Variants in MIPOL1 observed in about 807,000 individuals in gnomAD.
MIPOL1 encodes mirror-image polydactyly gene 1 protein.
A neutral mutation model predicts 60.9 loss-of-function variants in MIPOL1; 57 were observed. The observed-to-expected ratio is 0.94, with a 90% CI of 0.76 to 1.17. The LOEUF (loss-of-function observed/expected upper bound fraction) is 1.17, where lower values mean the gene tolerates loss of function less well. Among genes scored for constraint, MIPOL1 ranks in the 50% most tolerant of loss-of-function variants. The probability of loss-of-function intolerance (pLI) is 0.00; values close to 1 mark genes in which losing one functional copy is unlikely to be tolerated. For synonymous variants in MIPOL1, 179 were observed against 168.8 expected (o/e 1.06, Z -0.47); for missense variants, 551 against 511.6 (o/e 1.08, Z -0.74).
At chr14:37,471,703 G>A (rs1199184427) in intron 11 of MIPOL1, among the ~76,000 whole-genome samples, 2 of 151,934 alleles carry the variant, frequency 1.3e-5, no homozygotes, top group African/African-American at 4.8e-5. Flanking sequence ...TCTGAACACT[G>A]CCTAACTGGG....
intron 10 of MIPOL1, among the ~76,000 whole-genome samples, chr14:37,376,600 T>C (rs2153504755): frequency 6.6e-6 from 1 of 152,122 alleles, no homozygotes; most frequent in South Asian, 2.1e-4. Context: ...GGCTAAGAGG[T>C]TTGCTGGTGC....
At chr14:37,277,029 GT>G (rs1182005567) in intron 6 of MIPOL1, 1 of 150,990 alleles carries the variant, frequency 6.6e-6, no homozygotes, top group Non-Finnish European at 1.5e-5. Flanking sequence ...GAAAAGTTTG[GT>G]TTTTTTCTGG....
At chr14:37,390,382 A>G (rs753142943) in intron 10 of MIPOL1, among the ~76,000 whole-genome samples, 1 of 152,156 alleles carries the variant, frequency 6.6e-6, no homozygotes, top group Non-Finnish European at 1.5e-5. Context: ...ATTATATACA[A>G]TTGAAGACAT....
intron 7 of MIPOL1, among the ~76,000 whole-genome samples, chr14:37,294,047 G>T (rs1004799819): frequency 6.6e-6 from 1 of 152,166 alleles, no homozygotes; most frequent in African/African-American, 2.4e-5. Flanking sequence ...AGCCTAACTG[G>T]GAGGCATCCC....
chr14:37,388,981 T>G (rs10141341), intron 10 of MIPOL1, among the ~76,000 whole-genome samples: 149,915 of 152,144 alleles, frequency 0.99, 73,878 homozygotes, highest in Middle Eastern at 1. Context: ...AAAAAAAGTT[T>G]TTTATCAAAA....
intron 1 of MIPOL1, among the ~76,000 whole-genome samples, chr14:37,228,171 C>A (rs184876190): frequency 3.3e-5 from 5 of 152,092 alleles, no homozygotes; most frequent in Middle Eastern, 3.2e-3. Flanking sequence ...GACTTAAGAA[C>A]CATACACATT....
chr14:37,519,656 C>CA (rs2095397755), intron 12 of MIPOL1, among the ~76,000 whole-genome samples: 1 of 151,884 alleles, frequency 6.6e-6, no homozygotes, highest in African/African-American at 2.4e-5. Flanking sequence ...ATGAAAAAGA[C>CA]ACTGTTACAG....
At chr14:37,474,161 C>T (rs1025128747) in intron 11 of MIPOL1, among the ~76,000 whole-genome samples, 5 of 152,070 alleles carry the variant, frequency 3.3e-5, no homozygotes, top group Admixed American at 6.6e-5. Flanking sequence ...TTTATATATT[C>T]ACCTATTGAA....
intron 10 of MIPOL1, among the ~76,000 whole-genome samples, chr14:37,421,831 T>C: frequency 1.4e-5 from 2 of 146,494 alleles, no homozygotes; most frequent in African/African-American, 2.8e-5. Flanking sequence ...ATTTTTCTTA[T>C]GACTTCTTAT....
At chr14:37,380,832 T>C (rs1253897260) in intron 10 of MIPOL1, among the ~76,000 whole-genome samples, 2 of 152,070 alleles carry the variant, frequency 1.3e-5, no homozygotes, top group Admixed American at 6.6e-5. Flanking sequence ...TTTTAAAAAA[T>C]GAATACTTGA....
At chr14:37,436,410 C>T (rs1379902125) in intron 11 of MIPOL1, among the ~76,000 whole-genome samples, 2 of 151,932 alleles carry the variant, frequency 1.3e-5, no homozygotes, top group East Asian at 3.8e-4. Context: ...TTTTTCTTTC[C>T]ATGACACATG....
At chr14:37,330,714 T>TTTA (rs2089604004) in intron 9 of MIPOL1, among the ~76,000 whole-genome samples, 1 of 151,240 alleles carries the variant, frequency 6.6e-6, no homozygotes, top group Non-Finnish European at 1.5e-5. Context: ...CTCTTCATTT[T>TTTA]TTTTTTTTTT....
intron 11 of MIPOL1, among the ~76,000 whole-genome samples, chr14:37,437,822 AG>A (rs757965451): frequency 1.3e-5 from 2 of 152,216 alleles, no homozygotes; most frequent in Non-Finnish European, 2.9e-5. Flanking sequence ...GGGTACACTT[AG>A]GAATGTAATG....
intron 11 of MIPOL1, among the ~76,000 whole-genome samples, chr14:37,452,533 T>C (rs1188313331): frequency 6.6e-6 from 1 of 152,216 alleles, no homozygotes; most frequent in Non-Finnish European, 1.5e-5. Context: ...GCAGCTGTAC[T>C]ACTTTGGGGG....
rs75095223 is a variant in MIPOL1, at chr14:37,541,969, C to A, written c.1263-4936C>A. Reference sequence around the variant, plus strand: ...ATGTTTTCCATTTCTTACAAGACTTCTTCAGCCATACGTCCCCTTGTAACT... The same window carrying A: ...ATGTTTTCCATTTCTTACAAGACTTATTCAGCCATACGTCCCCTTGTAACT... On this transcript the variant is annotated intron_variant, in intron 12 of 12. Coordinates refer to ENST00000684589, the MANE Select transcript of MIPOL1 (RefSeq NM_001388067.1). 9.0e-3 allele frequency among the ~76,000 whole-genome samples: 1,370 copies of A among 152,324 alleles called. 23 individuals carry two copies. Among genetic ancestry groups the A allele is most frequent in the African/African-American group, 0.031 (1,294 of 41,574 alleles).
At chr14:37,435,833 A>T (rs950978586) in intron 11 of MIPOL1, among the ~76,000 whole-genome samples, 1 of 152,168 alleles carries the variant, frequency 6.6e-6, no homozygotes, top group Non-Finnish European at 1.5e-5. Context: ...TAAGTTTTGA[A>T]AAGACTCATG....
intron 1 of MIPOL1, among the ~76,000 whole-genome samples, chr14:37,208,914 T>C (rs542383229): frequency 2.0e-5 from 3 of 152,314 alleles, no homozygotes; most frequent in Admixed American, 2.0e-4. Flanking sequence ...TCTGGCGTTA[T>C]CATTATGCAA....
intron 10 of MIPOL1, among the ~76,000 whole-genome samples, chr14:37,409,717 C>T (rs1010442080): frequency 6.6e-6 from 1 of 152,128 alleles, no homozygotes; most frequent in African/African-American, 2.4e-5. Context: ...ACCTGGGAGG[C>T]AGAGGTTGCA....
intron 3 of MIPOL1, among the ~76,000 whole-genome samples, chr14:37,261,883 G>A (rs994560584): frequency 6.6e-6 from 1 of 152,054 alleles, no homozygotes; most frequent in African/African-American, 2.4e-5. Flanking sequence ...CTTGTAGTCT[G>A]TCTTCAGAAT....
Sources: allele counts gnomAD v4.1 joint callset (sites outside exome capture counted in the v4.1 genomes callset), GRCh38; gene constraint gnomAD v4.1.1; transcripts MANE v1.5; gene names NCBI Gene and HGNC (gene_info 2026-07-23, HGNC 2026-07-21).